Variants in ARAP1 observed in about 807,000 individuals in gnomAD.
ARAP1 encodes ArfGAP with RhoGAP domain, ankyrin repeat and PH domain 1.
In ARAP1, 76 loss-of-function variants were observed where a neutral mutation model predicts 172.2. The observed-to-expected ratio is 0.44, with a 90% CI of 0.37 to 0.53. ARAP1 has a LOEUF of 0.53. Among genes scored for constraint, ARAP1 ranks in the 20% least tolerant of loss-of-function variants. The pLI, the probability that ARAP1 is intolerant of heterozygous loss-of-function variation, is 0.00. For missense variants in ARAP1, 1,686 were observed against 1,977.5 expected (o/e 0.85, Z 2.80); for synonymous variants, 804 against 803.3 (o/e 1.00, Z -0.01).
chr11:72,722,766 C>G (rs993204987), intron 3 of ARAP1, among the ~76,000 whole-genome samples: 1 of 152,192 alleles, frequency 6.6e-6, no homozygotes, highest in African/African-American at 2.4e-5. Flanking sequence ...ACACCAAAGG[C>G]CAGAGCAAGC....
rs191068175 is a variant in ARAP1 at position 72,751,767 on chromosome 11, C to T, written c.-128+561G>A. On this transcript the variant is annotated intron_variant, in intron 1 of 34. Coordinates refer to ENST00000393609, the MANE Select transcript of ARAP1 (RefSeq NM_001040118.3). The stretch of plus-strand genomic sequence containing the variant: ...ACCCATCCCCTGCCCCCAGGCTGCA[C>T]CCTAAGCCTGCTCTCTCCAGGCCCA... Among the ~76,000 whole-genome samples the T allele has an allele frequency of 1.9e-3, 283 of 152,112 alleles. 2 individuals are homozygous for T. The highest frequency in any genetic ancestry group is 6.5e-3 in the African/African-American group (270 of 41,484).
At position 72,702,750 on chromosome 11, in the gene ARAP1, TAC is replaced by T. The variant is rs1856547250; in HGVS notation, c.2167+153_2167+154del. ...GAGGAACATGCATACGTAGTACAAA[TAC>T]ACACTGACATGCAAACCCAAGCACA... On this transcript the variant is annotated intron_variant, in intron 15 of 34. Transcript: ENST00000393609. Among the ~76,000 whole-genome samples, 3 of 152,112 alleles carry T rather than the reference TAC, an allele frequency of 2.0e-5. No individual in the cohort carries two copies. The South Asian group carries it at 6.2e-4, about 32-fold the overall frequency.
chr11:72,729,118 G>A (rs922404839), intron 2 of ARAP1, among the ~76,000 whole-genome samples: 5 of 152,116 alleles, frequency 3.3e-5, no homozygotes, highest in African/African-American at 1.2e-4. Context: ...TTCAAAAGTA[G>A]ACCCAAATAC....
intron 21 of ARAP1, 28 bp from the exon 22 acceptor site, chr11:72,697,223 G>A (rs763844351): frequency 1.9e-6 from 3 of 1,593,302 alleles, no homozygotes; most frequent in Admixed American, 1.7e-5. Flanking sequence ...CAAGCGTTCG[G>A]GGCCTGAGGC....
At chr11:72,748,469 G>A (rs925758329) in intron 1 of ARAP1, among the ~76,000 whole-genome samples, 15 of 151,118 alleles carry the variant, frequency 9.9e-5, no homozygotes, top group Admixed American at 3.9e-4. Context: ...GCAGTGAGCC[G>A]AGATCATGCC....
intron 13 of ARAP1, 159 bp downstream of exon 13, chr11:72,705,646 A>G: frequency 1.5e-6 from 1 of 678,958 alleles, no homozygotes; most frequent in Non-Finnish European, 2.4e-6. Context: ...CTTTGCCAAA[A>G]ATTGCTTTTC....
rs369488062 is a variant in ARAP1 at position 72,701,721 on chromosome 11, C to A, written c.2230G>T (p.Val744Leu). The A allele has an allele frequency of 2.5e-6, 4 of 1,613,974 alleles. No homozygotes were observed. In the East Asian group the frequency reaches 8.9e-5, roughly 36 times the overall value. Residue 744 changes from valine to leucine, a missense_variant, in exon 16 of 35, where the codon GTG (valine) becomes TTG (leucine). Physicochemically the swap from Val to Leu is conservative, Grantham distance 32. Transcript: ENST00000393609. ...EKHYSVVLPT[V>L]SHSGFLYKTA... Reference sequence around the variant, plus strand: ...TTGTAGAGGAAGCCACTGTGGCTCACGGTCGGCAGGACAACTGAGTAGTGC... The same window carrying A: ...TTGTAGAGGAAGCCACTGTGGCTCAAGGTCGGCAGGACAACTGAGTAGTGC...
In ARAP1 at chr11:72,713,266, G is replaced by A. The variant is rs111527795; in HGVS notation, c.680-23C>T. 20 of 1,612,304 alleles carry A rather than the reference G, an allele frequency of 1.2e-5. No homozygotes were observed. The African/African-American group carries it at 2.1e-4, about 17-fold the overall frequency. ...CATCTGGTGAGAGAGGGGTTGGGGG[G>A]CCTCAGGGCAAGGGGCCTGGCCTCC... On this transcript the variant is annotated intron_variant, in intron 4 of 34. Coordinates refer to ENST00000393609, the MANE Select transcript of ARAP1 (RefSeq NM_001040118.3).
In ARAP1 at chr11:72,725,503, C is replaced by G. The variant is rs1392677088; in HGVS notation, c.509+1117G>C. On this transcript the variant is annotated intron_variant, in intron 3 of 34. Coordinates refer to ENST00000393609, the MANE Select transcript of ARAP1 (RefSeq NM_001040118.3). The surrounding 1 kb of genome is among the most constrained non-coding windows in gnomAD (Gnocchi z 4.3). ...GTGTGAACCCAGGAAGAGCATGTAC[C>G]CTTTTTGTGCTTCTACCAATCAACC... 6.6e-6 allele frequency among the ~76,000 whole-genome samples: 1 copy of G among 152,000 alleles called. No homozygotes were observed. The highest frequency in any genetic ancestry group is 1.5e-5 in the Non-Finnish European group (1 of 67,978).
rs1251311089 is a variant in ARAP1 at position 72,698,041 on chromosome 11, G to T, written c.2607C>A (p.Pro869=). The stretch of plus-strand genomic sequence containing the variant: ...GCTGTAGGCTCAGGCCAGCTTTGTA[G>T]GGTAGGCGTCCCAGCCGCTCAAAAT... ...ARDFERLGRL[P]YKAGLSLQRA... Residue 869 remains proline, a synonymous_variant, in exon 19 of 35, where the codon CCC becomes CCA. Transcript: ENST00000393609. The T allele has an allele frequency of 6.2e-7, 1 of 1,608,552 alleles. No individual in the cohort carries two copies. Among genetic ancestry groups the T allele is most frequent in the Admixed American group, 1.7e-5 (1 of 59,094 alleles).
chr11:72,692,148 A>G (rs1855961395), intron 30 of ARAP1, among the ~76,000 whole-genome samples: 1 of 152,122 alleles, frequency 6.6e-6, no homozygotes, highest in African/African-American at 2.4e-5. Flanking sequence ...GCATCATGAG[A>G]TGCAGATTCT....
intron 3 of ARAP1, among the ~76,000 whole-genome samples, chr11:72,716,045 C>T (rs776335566): frequency 2.0e-5 from 3 of 151,750 alleles, no homozygotes; most frequent in South Asian, 2.1e-4. Context: ...TGGTGGCAGG[C>T]GCCTGTAGTC....
At chr11:72,700,757 A>C (rs1349788780) in intron 16 of ARAP1, among the ~76,000 whole-genome samples, 2 of 152,250 alleles carry the variant, frequency 1.3e-5, no homozygotes, top group African/African-American at 4.8e-5. Flanking sequence ...TAATCCCAGT[A>C]CTTTGGGAGG....
At chr11:72,704,567 G>T (rs563715518) in intron 13 of ARAP1, 8 of 512,076 alleles carry the variant, frequency 1.6e-5, no homozygotes, top group African/African-American at 1.4e-4. Flanking sequence ...CAGGGAGTCA[G>T]CAGACTGACA....
In ARAP1 at chr11:72,710,011, T is replaced by A; in HGVS notation, c.1417-35A>T. ...AGATGGGACGGGATGAGGGCAAGGC[T>A]TTGGGGGCAGGGCGTGAGGCTTGGG... On this transcript the variant is annotated intron_variant, in intron 10 of 34. Transcript: ENST00000393609. This position sits in a 1 kb window ranked among gnomAD's most constrained non-coding sequence, Gnocchi z 4.3. 1 of 1,573,982 alleles carries A rather than the reference T, an allele frequency of 6.4e-7. No homozygotes were observed. The highest frequency in any genetic ancestry group is 8.7e-7 in the Non-Finnish European group (1 of 1,144,560).
In ARAP1 at chr11:72,694,971, G is replaced by A. The variant is rs544944757; in HGVS notation, c.3694+9C>T. ...ATACCACACCCTGCACAAGCCCAGC[G>A]TCACCCACCTGCCTCCTCCCTCTCG... On this transcript the variant is annotated intron_variant, in intron 27 of 34. Transcript: ENST00000393609. 60 of 1,612,290 alleles carry A rather than the reference G, an allele frequency of 3.7e-5. No homozygotes were observed. The highest frequency in any genetic ancestry group is 2.0e-4 in the Admixed American group (12 of 59,986).
At chr11:72,745,078 T>A (rs1488568519) in intron 1 of ARAP1, among the ~76,000 whole-genome samples, 2 of 152,050 alleles carry the variant, frequency 1.3e-5, no homozygotes, top group East Asian at 3.9e-4. Flanking sequence ...ACTCTGCTCC[T>A]GGAGTGGAAA....
At chr11:72,746,682 C>A (rs1397420017) in intron 1 of ARAP1, among the ~76,000 whole-genome samples, 1 of 152,084 alleles carries the variant, frequency 6.6e-6, no homozygotes, top group Non-Finnish European at 1.5e-5. Context: ...CCCCCTCCCC[C>A]TCTCACCTGC....
rs1363266839 is a variant in ARAP1 at position 72,726,149 on chromosome 11, G to A, written c.509+471C>T. 1.3e-5 allele frequency among the ~76,000 whole-genome samples: 2 copies of A among 152,078 alleles called. No homozygotes were observed. The highest frequency in any genetic ancestry group is 3.9e-4 in the East Asian group (2 of 5,178). ...TGGCAGTGGGAGAAGGGGACAGGGT[G>A]TGAAAGAGCACACCACCAGGACCTG... is the stretch of plus-strand genomic sequence containing the variant. On this transcript the variant is annotated intron_variant, in intron 3 of 34. Transcript: ENST00000393609. The surrounding 1 kb of genome is among the most constrained non-coding windows in gnomAD (Gnocchi z 6.5).
Sources: allele counts gnomAD v4.1 joint callset (sites outside exome capture counted in the v4.1 genomes callset), GRCh38; gene constraint gnomAD v4.1.1; non-coding constraint Gnocchi (gnomAD v3.1); transcripts MANE v1.5; gene names NCBI Gene and HGNC (gene_info 2026-07-23, HGNC 2026-07-21).